KDM4C: variants seen among roughly 807,000 people sequenced by gnomAD.
The protein encoded by KDM4C is lysine demethylase 4C.
A neutral mutation model predicts 129.3 loss-of-function variants in KDM4C; 81 were observed. That is an observed-to-expected ratio of 0.63 (90% CI 0.52 to 0.75). The LOEUF is 0.75. KDM4C is among the 30% of genes least tolerant of loss of function. KDM4C has a pLI of 0.00. For missense variants in KDM4C, 1,457 were observed against 1,304.0 expected (o/e 1.12, Z -1.81); for synonymous variants, 573 against 456.1 (o/e 1.26, Z -3.26).
In KDM4C at chr9:7,025,482, A is replaced by G. The variant is rs1587003802; in HGVS notation, c.2259+9553A>G. Among the ~76,000 whole-genome samples, 4 of 152,242 alleles carry G rather than the reference A, an allele frequency of 2.6e-5. No homozygotes were observed. In the East Asian group the frequency reaches 7.7e-4, roughly 29 times the overall value. Reference sequence around the variant, plus strand: ...ATTGAAGGTGATTTTGTCTTGTGGTATGATTTAATTTCTTCCTTTTTATTT... The same window carrying G: ...ATTGAAGGTGATTTTGTCTTGTGGTGTGATTTAATTTCTTCCTTTTTATTT... On this transcript the variant is annotated intron_variant, in intron 15 of 21. Coordinates refer to ENST00000381309, the MANE Select transcript of KDM4C (RefSeq NM_015061.6).
chr9:7,021,299 C>T (rs1187924499), intron 15 of KDM4C, among the ~76,000 whole-genome samples: 1 of 151,828 alleles, frequency 6.6e-6, no homozygotes, highest in East Asian at 1.9e-4. Context: ...CGCATGCCAC[C>T]ATGCCCGGCT....
chr9:7,062,159 G>A lies in KDM4C; in HGVS notation c.2424+12959G>A, dbSNP rs371549352. ...AATTTTTTGTATTTTTAGTAGAGAC[G>A]GGGTGTCACCGTGTTAGCCAGGATG... is the stretch of plus-strand genomic sequence containing the variant. On this transcript the variant is annotated intron_variant, in intron 17 of 21. Transcript: ENST00000381309. Among the ~76,000 whole-genome samples, 4 of 152,194 alleles carry A rather than the reference G, an allele frequency of 2.6e-5. No individual in the cohort carries two copies. The East Asian group carries it at 5.8e-4, about 22-fold the overall frequency.
chr9:6,911,110 G>C lies in KDM4C; in HGVS notation c.921+17878G>C, dbSNP rs1158876616. On this transcript the variant is annotated intron_variant, in intron 8 of 21. Transcript: ENST00000381309. ...ATAGCAACCAGTTATCACATGTGCAGTGAAAAAAATAACAGATTATTTTTT... is the reference window on the plus strand; with the variant it reads ...ATAGCAACCAGTTATCACATGTGCACTGAAAAAAATAACAGATTATTTTTT... Among the ~76,000 whole-genome samples, 6 of 152,024 alleles carry C rather than the reference G, an allele frequency of 3.9e-5. No homozygotes were observed. In the South Asian group the frequency reaches 1.2e-3, roughly 32 times the overall value.
At chr9:7,127,802 T>A (rs1465902709) in intron 18 of KDM4C, 6 of 303,436 alleles carry the variant, frequency 2.0e-5, no homozygotes, top group Non-Finnish European at 3.0e-5. Context: ...GTTTTCTCTC[T>A]CTCTTTGTAT....
chr9:7,137,636 C>G (rs1406358597), intron 19 of KDM4C, among the ~76,000 whole-genome samples: 1 of 152,224 alleles, frequency 6.6e-6, no homozygotes, highest in African/African-American at 2.4e-5. Context: ...GCTGACCTTT[C>G]CTGTAGCGCA....
At chr9:6,762,879 G>A (rs1014279017) in intron 1 of KDM4C, among the ~76,000 whole-genome samples, 2 of 151,838 alleles carry the variant, frequency 1.3e-5, no homozygotes, top group Non-Finnish European at 2.9e-5. Context: ...GGCTGGGCTC[G>A]AATTCTTGAC....
chr9:6,737,807 A>G (rs1817573505), intron 1 of KDM4C, among the ~76,000 whole-genome samples: 1 of 152,138 alleles, frequency 6.6e-6, no homozygotes, highest in Admixed American at 6.6e-5. Flanking sequence ...ACAAACTCAC[A>G]CCAGTCAGAA....
chr9:6,816,030 A>T (rs2779739), intron 4 of KDM4C, among the ~76,000 whole-genome samples: 11,682 of 152,154 alleles, frequency 0.077, 531 homozygotes, highest in Middle Eastern at 0.1. Flanking sequence ...GACCATATTC[A>T]AATTTTCCCA....
rs112328596 is a variant in KDM4C at position 7,125,459 on chromosome 9, C to G, written c.2611-2607C>G. 9.5e-3 allele frequency among the ~76,000 whole-genome samples: 1,454 copies of G among 152,280 alleles called. 18 individuals are homozygous for G. Among genetic ancestry groups the G allele is most frequent in the African/African-American group, 0.029 (1,195 of 41,556 alleles). ...TTAGTGGTTTTGTGTATTTGACTCT[C>G]CAACATCAGATGTGGTGCCCACTGG... On this transcript the variant is annotated intron_variant, in intron 18 of 21. Coordinates refer to ENST00000381309, the MANE Select transcript of KDM4C (RefSeq NM_015061.6).
chr9:6,763,303 C>T (rs988910228), intron 1 of KDM4C, among the ~76,000 whole-genome samples: 53 of 152,204 alleles, frequency 3.5e-4, no homozygotes, highest in African/African-American at 1.2e-3. Flanking sequence ...TGCTGTTGTT[C>T]CCTGTGCCTG....
chr9:6,822,746 A>G (rs1054018407), intron 4 of KDM4C, among the ~76,000 whole-genome samples: 6 of 152,256 alleles, frequency 3.9e-5, no homozygotes, highest in African/African-American at 1.4e-4. Flanking sequence ...GATAAAGATA[A>G]AAGAGGGACT....
chr9:7,127,813 A>G, intron 18 of KDM4C: 3 of 338,236 alleles, frequency 8.9e-6, no homozygotes, highest in Non-Finnish European at 5.3e-6. Context: ...CTCTTTGTAT[A>G]TGCATACACA....
intron 1 of KDM4C, among the ~76,000 whole-genome samples, chr9:6,777,616 GC>G (rs1379051330): frequency 1.3e-5 from 2 of 151,940 alleles, no homozygotes; most frequent in African/African-American, 2.4e-5. Context: ...TCTCCTTATT[GC>G]CCCCAGGTCC....
At chr9:6,741,414 C>T (rs1371228653) in intron 1 of KDM4C, among the ~76,000 whole-genome samples, 8 of 151,788 alleles carry the variant, frequency 5.3e-5, no homozygotes, top group Admixed American at 5.3e-4. Context: ...AAAACAAAAA[C>T]AAAAACTCAA....
intron 17 of KDM4C, among the ~76,000 whole-genome samples, chr9:7,079,376 T>C (rs1834274275): frequency 6.6e-6 from 1 of 152,226 alleles, no homozygotes; most frequent in Non-Finnish European, 1.5e-5. Flanking sequence ...CAGGCTGGAA[T>C]GTAGTAGTAC....
At chr9:6,897,193 C>T (rs367691655) in intron 8 of KDM4C, among the ~76,000 whole-genome samples, 43 of 152,312 alleles carry the variant, frequency 2.8e-4, no homozygotes, top group South Asian at 1.0e-3. Flanking sequence ...TGCCTCATCT[C>T]TCAAACAGAC....
At chr9:6,911,544 A>T (rs997746822) in intron 8 of KDM4C, among the ~76,000 whole-genome samples, 1 of 152,234 alleles carries the variant, frequency 6.6e-6, no homozygotes, top group Admixed American at 6.5e-5. Context: ...GTTGAAATTC[A>T]TGCCTGTCCT....
chr9:7,035,409 GT>G (rs1827470366), intron 15 of KDM4C, among the ~76,000 whole-genome samples: 1 of 148,418 alleles, frequency 6.7e-6, no homozygotes, highest in Non-Finnish European at 1.5e-5. Flanking sequence ...CAGATGAGTA[GT>G]TTGCAAATAT....
intron 4 of KDM4C, chr9:6,834,912 T>A (rs568157192): frequency 8.3e-7 from 1 of 1,200,052 alleles, no homozygotes; most frequent in Non-Finnish European, 1.2e-6. Context: ...GGTACCGTGA[T>A]GGACTCCGGT....
Sources: allele counts gnomAD v4.1 joint callset (sites outside exome capture counted in the v4.1 genomes callset), GRCh38; gene constraint gnomAD v4.1.1; transcripts MANE v1.5; gene names NCBI Gene and HGNC (gene_info 2026-07-23, HGNC 2026-07-21).